The following DAB1 variants were observed in gnomAD, a reference collection of about 807,000 sequenced individuals.
DAB1 encodes the protein disabled homolog 1.
DAB1 carries 15 observed loss-of-function variants against 64.6 expected under a neutral mutation model. The ratio of observed to expected loss-of-function variants is 0.23; its 90% CI spans 0.16 to 0.36. DAB1 has a LOEUF of 0.36. Ranked by LOEUF, DAB1 falls within the 10% of genes least tolerant of loss-of-function variation. DAB1 has a pLI of 1.00. For missense variants in DAB1, 596 were observed against 706.7 expected, an observed-to-expected ratio of 0.84 and a Z score of 1.78; for synonymous variants, 235 against 251.9, an observed-to-expected ratio of 0.93 and a Z score of 0.64.
At chr1:58,531,388 A>G (rs1646431738) in intron 1 of DAB1, among the ~76,000 whole-genome samples, 1 of 152,158 alleles carries the variant, frequency 6.6e-6, no homozygotes, top group African/African-American at 2.4e-5. Flanking sequence ...GGTTCTATGA[A>G]TTTTTGTATT....
Position 57,999,912 on chromosome 1 carries a change from AGAAAAGAAG to A in DAB1, n.388-115759_388-115751del, listed in dbSNP as rs1169429157. 2.0e-5 allele frequency among the ~76,000 whole-genome samples: 3 copies of A among 151,760 alleles called. 1 individual carries two copies. Among genetic ancestry groups the A allele is most frequent in the East Asian group, 3.9e-4 (2 of 5,160 alleles). On this transcript the variant is annotated intron_variant and non_coding_transcript_variant, in intron 5 of 20. Coordinates refer to the DAB1 transcript ENST00000485760. ...GGAAGAAAGAAAAGGAGTTAAAGGA[AGAAAAGAAG>A]GAAAAGAAGGAAGGAGGAAGAGAGA...
chr1:58,123,973 G>A (rs1652905479), intron 5 of DAB1, among the ~76,000 whole-genome samples: 1 of 152,084 alleles, frequency 6.6e-6, no homozygotes, highest in Non-Finnish European at 1.5e-5. Context: ...TATATGAATT[G>A]TAGAAATGAT....
intron 3 of DAB1, among the ~76,000 whole-genome samples, chr1:58,434,315 GA>G (rs1319193292): frequency 3.9e-5 from 6 of 151,982 alleles, no homozygotes; most frequent in Non-Finnish European, 8.8e-5. Context: ...GAGATGGTGA[GA>G]AGTAGTAGCT....
At chr1:58,250,695 T>C (rs745379032) in intron 4 of DAB1, among the ~76,000 whole-genome samples, 4 of 152,180 alleles carry the variant, frequency 2.6e-5, no homozygotes, top group Non-Finnish European at 5.9e-5. Flanking sequence ...GCAGACTCCC[T>C]TCTCCGCTAC....
At chr1:57,473,256 TCA>T (rs1236140257) in intron 7 of DAB1, among the ~76,000 whole-genome samples, 3 of 152,204 alleles carry the variant, frequency 2.0e-5, no homozygotes, top group Non-Finnish European at 1.5e-5. Context: ...AATAGCTACC[TCA>T]CACAGTGTGT....
intron 5 of DAB1, among the ~76,000 whole-genome samples, chr1:57,958,486 G>A (rs921257080): frequency 6.6e-6 from 1 of 152,128 alleles, no homozygotes; most frequent in African/African-American, 2.4e-5. Flanking sequence ...GTGCAGGAGT[G>A]GACAGAAAAT....
chr1:57,912,324 G>T (rs2102010254), intron 5 of DAB1, among the ~76,000 whole-genome samples: 1 of 151,278 alleles, frequency 6.6e-6, no homozygotes, highest in Non-Finnish European at 1.5e-5. Flanking sequence ...GGTCTGTCTT[G>T]CCACTGATCT....
chr1:57,162,201 C>T (rs61454371), intron 2 of DAB1, among the ~76,000 whole-genome samples: 7,941 of 152,242 alleles, frequency 0.052, 735 homozygotes, highest in African/African-American at 0.18. Context: ...AAAGTGTGGG[C>T]TCAAAATAGA....
chr1:58,193,212 T>C (rs1015038770), intron 4 of DAB1, among the ~76,000 whole-genome samples: 6 of 152,152 alleles, frequency 3.9e-5, no homozygotes, highest in Non-Finnish European at 5.9e-5. Flanking sequence ...CATTGAGAGC[T>C]GATTGTTTAA....
intron 2 of DAB1, among the ~76,000 whole-genome samples, chr1:57,190,759 A>G (rs886468754): frequency 6.6e-6 from 1 of 152,172 alleles, no homozygotes; most frequent in African/African-American, 2.4e-5. Flanking sequence ...CAGTACCAAG[A>G]GGCAACTCCA....
chr1:58,486,574 C>G (rs6687324), intron 3 of DAB1, among the ~76,000 whole-genome samples: 47,246 of 152,126 alleles, frequency 0.31, 7,777 homozygotes, highest in African/African-American at 0.42. Context: ...ATCTCAACTT[C>G]TCATAGGTAC....
chr1:57,021,534 CTT>C (rs1203405839), intron 11 of DAB1, among the ~76,000 whole-genome samples: 1 of 152,202 alleles, frequency 6.6e-6, no homozygotes, highest in African/African-American at 2.4e-5. Flanking sequence ...CACAAGCCCT[CTT>C]GTCTGCCACC....
intron 4 of DAB1, among the ~76,000 whole-genome samples, chr1:58,299,934 G>A (rs1431321079): frequency 6.6e-6 from 1 of 152,118 alleles, no homozygotes. Flanking sequence ...CCAGGGGAGA[G>A]TGGCACAAGC....
At chr1:58,131,409 T>C (rs1032177437) in intron 5 of DAB1, among the ~76,000 whole-genome samples, 12 of 143,804 alleles carry the variant, frequency 8.3e-5, no homozygotes, top group African/African-American at 2.8e-4. Flanking sequence ...TTGAATGTCC[T>C]CCCATAGCTC....
At chr1:58,531,251 T>A (rs1646429959) in intron 1 of DAB1, among the ~76,000 whole-genome samples, 1 of 152,108 alleles carries the variant, frequency 6.6e-6, no homozygotes, top group Admixed American at 6.5e-5. Flanking sequence ...CAAGAAAAAA[T>A]TCAGAAAAAG....
chr1:57,557,930 G>A (rs371823721), intron 7 of DAB1, among the ~76,000 whole-genome samples: 1 of 152,166 alleles, frequency 6.6e-6, no homozygotes, highest in East Asian at 1.9e-4. Context: ...TTCTAAAATT[G>A]CTCTGAGTGA....
At chr1:57,911,536 T>C (rs1423415517) in intron 5 of DAB1, among the ~76,000 whole-genome samples, 1 of 152,128 alleles carries the variant, frequency 6.6e-6, no homozygotes, top group Non-Finnish European at 1.5e-5. Context: ...GGCCCAGAGC[T>C]TACCAGCCAC....
intron 1 of DAB1, among the ~76,000 whole-genome samples, chr1:57,315,473 G>T (rs1675111504): frequency 6.6e-6 from 1 of 152,110 alleles, no homozygotes; most frequent in Non-Finnish European, 1.5e-5. Context: ...GTAAATAGAT[G>T]CATGGATAGA....
intron 7 of DAB1, among the ~76,000 whole-genome samples, chr1:57,597,272 G>C (rs1436356708): frequency 6.6e-6 from 1 of 152,166 alleles, no homozygotes; most frequent in East Asian, 1.9e-4. Flanking sequence ...AAGCCATACA[G>C]CAAATCAACA....
Sources: allele counts gnomAD v4.1 joint callset (sites outside exome capture counted in the v4.1 genomes callset), GRCh38; gene constraint gnomAD v4.1.1; transcripts MANE v1.5; gene names NCBI Gene and HGNC (gene_info 2026-07-23, HGNC 2026-07-21).